Variants in MKX observed in about 807,000 individuals in gnomAD.
MKX encodes the protein mohawk homeobox.
Under a neutral mutation model 36.0 loss-of-function variants are expected in MKX, and 13 were observed. The observed-to-expected ratio is 0.36, with a 90% CI of 0.24 to 0.57. The LOEUF is 0.57. Among genes scored for constraint, MKX ranks in the 20% least tolerant of loss-of-function variants. The pLI is 0.79. For synonymous variants in MKX, 176 were observed against 178.3 expected, an observed-to-expected ratio of 0.99 and a Z score of 0.10; for missense variants, 458 against 456.4, an observed-to-expected ratio of 1.00 and a Z score of -0.03.
At chr10:27,691,901 T>C (rs768090111) in intron 5 of MKX, among the ~76,000 whole-genome samples, 1 of 152,232 alleles carries the variant, frequency 6.6e-6, no homozygotes, top group Admixed American at 6.5e-5. Flanking sequence ...TTTTTATGAC[T>C]GTGTAGTGTT....
At chr10:27,675,910 G>A (rs1256990257) in intron 5 of MKX, among the ~76,000 whole-genome samples, 2 of 152,188 alleles carry the variant, frequency 1.3e-5, no homozygotes, top group East Asian at 3.9e-4. Context: ...CTACCCACTT[G>A]CAGTGTAACC....
intron 5 of MKX, among the ~76,000 whole-genome samples, chr10:27,678,198 C>T (rs2132486468): frequency 6.6e-6 from 1 of 152,234 alleles, no homozygotes; most frequent in East Asian, 1.9e-4. Context: ...AATCTTCACT[C>T]AGTAAGGACA....
intron 5 of MKX, among the ~76,000 whole-genome samples, chr10:27,690,858 A>G (rs1836441496): frequency 6.6e-6 from 1 of 152,262 alleles, no homozygotes; most frequent in South Asian, 2.1e-4. Flanking sequence ...TAATCCCCAC[A>G]TGTCGAGGGA....
Position 27,741,297 on chromosome 10 carries a change from C to T in MKX, c.348+48G>A, listed in dbSNP as rs771965111. 1 of 1,604,938 alleles carries T rather than the reference C, an allele frequency of 6.2e-7. No homozygotes were observed. The highest frequency in any genetic ancestry group is 8.5e-7 in the Non-Finnish European group (1 of 1,176,020). Reference sequence around the variant, plus strand: ...ACGAACTCTAAGCGTTCCCGCTCTTCAGCCCCTCGCGGGAAAACGGATCAG... The same window carrying T: ...ACGAACTCTAAGCGTTCCCGCTCTTTAGCCCCTCGCGGGAAAACGGATCAG... On this transcript the variant is annotated intron_variant, in intron 3 of 6. Transcript: ENST00000419761. This position sits in a 1 kb window ranked among gnomAD's most constrained non-coding sequence, Gnocchi z 5.1.
intron 5 of MKX, among the ~76,000 whole-genome samples, chr10:27,686,433 G>A (rs974590185): frequency 2.9e-5 from 4 of 139,906 alleles, no homozygotes; most frequent in African/African-American, 1.1e-4. Context: ...AAGGAAGGAA[G>A]GAAGGAAGGA....
chr10:27,735,509 AT>A, intron 3 of MKX, 135 bp from the exon 4 acceptor site: 2 of 598,702 alleles, frequency 3.3e-6, no homozygotes, highest in South Asian at 5.2e-5. Flanking sequence ...AATACCGGAC[AT>A]TCGCATCCAT....
At chr10:27,694,166 T>A (rs1026106064) in intron 5 of MKX, among the ~76,000 whole-genome samples, 1 of 151,950 alleles carries the variant, frequency 6.6e-6, no homozygotes, top group African/African-American at 2.4e-5. Context: ...AGCATGAAAA[T>A]GGACTAATAC....
At chr10:27,718,188 T>C (rs557248642) in intron 5 of MKX, among the ~76,000 whole-genome samples, 1 of 151,894 alleles carries the variant, frequency 6.6e-6, no homozygotes, top group South Asian at 2.1e-4. Context: ...GCAAAGACAA[T>C]ACACTGTATT....
intron 5 of MKX, among the ~76,000 whole-genome samples, chr10:27,698,593 G>C (rs540663321): frequency 1.4e-4 from 22 of 152,256 alleles, no homozygotes; most frequent in Middle Eastern, 3.4e-3. Context: ...TCTGAGGAAG[G>C]GGGGCAAGGA....
In MKX at chr10:27,740,868, A is replaced by G. The variant is rs149146290; in HGVS notation, c.348+477T>C. Among the ~76,000 whole-genome samples the G allele has an allele frequency of 4.7e-3, 715 of 152,238 alleles. 7 individuals carry two copies. Among genetic ancestry groups the G allele is most frequent in the African/African-American group, 0.017 (688 of 41,546 alleles). ...TAGCTGTCAGTAATGGTAATTTTGAAAGTTACTCTGTACCTGAGCTTTAAT... is the reference window on the plus strand; with the variant it reads ...TAGCTGTCAGTAATGGTAATTTTGAGAGTTACTCTGTACCTGAGCTTTAAT... On this transcript the variant is annotated intron_variant, in intron 3 of 6. Transcript: ENST00000419761.
At chr10:27,733,268 C>T (rs150380247) in intron 5 of MKX, among the ~76,000 whole-genome samples, 223 of 152,124 alleles carry the variant, frequency 1.5e-3, no homozygotes, top group African/African-American at 5.2e-3. Flanking sequence ...TATTTGTAAA[C>T]GTTTGAAAAT....
At chr10:27,676,721 C>T (rs1030552934) in intron 5 of MKX, among the ~76,000 whole-genome samples, 1 of 152,178 alleles carries the variant, frequency 6.6e-6, no homozygotes, top group African/African-American at 2.4e-5. Context: ...AAATAGTTCC[C>T]TCTGCTAGTT....
intron 5 of MKX, 67 bp from the exon 6 acceptor site, chr10:27,675,621 C>T: frequency 6.9e-7 from 1 of 1,449,722 alleles, no homozygotes. Flanking sequence ...TCAGGAGTTT[C>T]ATCACTAATG....
intron 5 of MKX, among the ~76,000 whole-genome samples, chr10:27,698,359 C>T (rs1040843753): frequency 6.6e-6 from 1 of 152,050 alleles, no homozygotes; most frequent in Non-Finnish European, 1.5e-5. Flanking sequence ...TGGTGGAAGA[C>T]CAGATTGAAG....
chr10:27,680,331 A>G (rs1379040724), intron 5 of MKX, among the ~76,000 whole-genome samples: 1 of 150,558 alleles, frequency 6.6e-6, no homozygotes, highest in African/African-American at 2.5e-5. Context: ...TGAACCAGCC[A>G]AAAGAGCGTG....
chr10:27,682,169 A>C (rs1473546291), intron 5 of MKX, among the ~76,000 whole-genome samples: 2 of 152,178 alleles, frequency 1.3e-5, no homozygotes, highest in Non-Finnish European at 2.9e-5. Flanking sequence ...AAGTAAAAAT[A>C]AAAAATGAAA....
chr10:27,687,147 C>T (rs1216480958), intron 5 of MKX, among the ~76,000 whole-genome samples: 1 of 152,114 alleles, frequency 6.6e-6, no homozygotes, highest in Non-Finnish European at 1.5e-5. Context: ...GCTGGGATTA[C>T]AGGCACGCAC....
At chr10:27,700,156 G>A (rs1231089115) in intron 5 of MKX, among the ~76,000 whole-genome samples, 2 of 152,124 alleles carry the variant, frequency 1.3e-5, no homozygotes, top group East Asian at 3.9e-4. Context: ...ATTTTACAAA[G>A]GGAGCAGTCT....
intron 3 of MKX, among the ~76,000 whole-genome samples, chr10:27,735,639 A>T (rs1261674502): frequency 6.6e-6 from 1 of 152,196 alleles, no homozygotes; most frequent in African/African-American, 2.4e-5. Flanking sequence ...AAGTCCAGTA[A>T]GAGAAGTAGG....
Sources: allele counts gnomAD v4.1 joint callset (sites outside exome capture counted in the v4.1 genomes callset), GRCh38; gene constraint gnomAD v4.1.1; non-coding constraint Gnocchi (gnomAD v3.1); transcripts MANE v1.5; gene names NCBI Gene and HGNC (gene_info 2026-07-23, HGNC 2026-07-21).